CCDC144A: variants seen among roughly 807,000 people sequenced by gnomAD.
CCDC144A encodes coiled-coil domain containing 144A.
A neutral mutation model predicts 143.8 loss-of-function variants in CCDC144A; 41 were observed. That is an observed-to-expected ratio of 0.29 (90% confidence interval 0.22 to 0.37). The LOEUF (loss-of-function observed/expected upper bound fraction) is 0.37, where lower values mean the gene tolerates loss of function less well. Among genes scored for constraint, CCDC144A ranks in the 10% least tolerant of loss-of-function variants. The probability of loss-of-function intolerance (pLI) is 1.00; values close to 1 mark genes in which losing one functional copy is unlikely to be tolerated. For missense variants in CCDC144A, 637 were observed against 1,488.8 expected (o/e 0.43, Z 9.41); for synonymous variants, 242 against 517.9 (o/e 0.47, Z 7.23).
At position 16,743,772 on chromosome 17, in the gene CCDC144A, T is replaced by C. The variant is rs549522614; in HGVS notation, c.3372+8129T>C. Among the ~76,000 whole-genome samples the C allele has an allele frequency of 3.8e-3, 577 of 152,254 alleles. 4 individuals are homozygous for C. The highest frequency in any genetic ancestry group is 0.013 in the African/African-American group (549 of 41,556). ...CATAATGCTTAGGTTTAGGGTGCAGTTGAACCTATCACCCAGGTAATGAGC... is the reference window on the plus strand; with the variant it reads ...CATAATGCTTAGGTTTAGGGTGCAGCTGAACCTATCACCCAGGTAATGAGC... On this transcript the variant is annotated intron_variant, in intron 12 of 16. Coordinates refer to ENST00000399273, the MANE Select transcript of CCDC144A (RefSeq NM_001382000.1).
chr17:16,689,288 C>T (rs1223082760), upstream of CCDC144A, among the ~76,000 whole-genome samples: 1 of 152,030 alleles, frequency 6.6e-6, no homozygotes, highest in Non-Finnish European at 1.5e-5. Context: ...GTTCACCTCC[C>T]GGGTTCAAGA....
the CCDC144A span, among the ~76,000 whole-genome samples, chr17:16,676,454 T>C: frequency 6.9e-6 from 1 of 144,386 alleles, no homozygotes; most frequent in Admixed American, 7.2e-5. Flanking sequence ...GAGCTTGCAG[T>C]GGGCAGAGAT....
rs368911895 is a variant in CCDC144A at position 16,715,310 on chromosome 17, T to TA, written c.1715+3510dup. Among the ~76,000 whole-genome samples, 666 of 129,052 alleles carry TA rather than the reference T, an allele frequency of 5.2e-3. 2 individuals are homozygous for TA. The highest frequency in any genetic ancestry group is 0.027 in the South Asian group (113 of 4,110). The allele number at this position is 129,052 out of a possible 152,430, so 84.7% of individuals were successfully genotyped here. A position where few individuals can be genotyped will look rare whatever the true frequency, so the allele number is the denominator to read the frequency against. ...TTTAAACATTAGATTGATTCTCAGG[T>TA]AAAAAAAAAAAAAAAGAAAGAAAGA... On this transcript the variant is annotated intron_variant, in intron 6 of 16. Coordinates refer to ENST00000399273, the MANE Select transcript of CCDC144A (RefSeq NM_001382000.1).
rs1912217662 is a variant in CCDC144A, at chr17:16,708,959, G to C, written c.902G>C (p.Arg301Thr). The C allele has an allele frequency of 6.2e-7, 1 of 1,611,454 alleles. No individual in the cohort carries two copies. Among genetic ancestry groups the C allele is most frequent in the Non-Finnish European group, 8.5e-7 (1 of 1,179,620 alleles). The change falls in exon 5 of 17, where the codon AGG becomes ACG. Residue 301 changes from arginine (R) to threonine (T), a missense_variant. By Grantham distance (71) the Arg-to-Thr change is moderately conservative. Coordinates refer to ENST00000399273, the MANE Select transcript of CCDC144A (RefSeq NM_001382000.1). The stretch of plus-strand genomic sequence containing the variant: ...CTCGTCATAAATGAGTTAAAGCAGA[G>C]GTTTGGTGAAATTTATGAAAAATAC... The part of the protein sequence containing the change: ...LKLVINELKQ[R>T]FGEIYEKYKI...
chr17:16,667,162 TGG>T, the CCDC144A span: 2 of 161,292 alleles, frequency 1.2e-5, no homozygotes, highest in Non-Finnish European at 2.7e-5. Context: ...GAGGCTGCGC[TGG>T]ACCCCGCTGG....
Position 16,775,916 on chromosome 17 carries a change from T to C in CCDC144A, c.*2283T>C, listed in dbSNP as rs1267823988. 1 of 152,292 alleles carries C rather than the reference T, an allele frequency of 6.6e-6. No individual in the cohort carries two copies. Among genetic ancestry groups the C allele is most frequent in the African/African-American group, 2.4e-5 (1 of 41,466 alleles). 9.4% of individuals were successfully genotyped at this position (152,292 alleles called of 1,614,324 possible). On this transcript the variant is annotated 3_prime_UTR_variant, in exon 17 of 17. Transcript: ENST00000399273. ...AGGAAGGGGTCCCGTTTCAATTTGCTGCATATGGCTAGCCAGTTCTCCCAG... is the reference window on the plus strand; with the variant it reads ...AGGAAGGGGTCCCGTTTCAATTTGCCGCATATGGCTAGCCAGTTCTCCCAG...
At chr17:16,737,131 G>GT (rs200763258) in intron 12 of CCDC144A, among the ~76,000 whole-genome samples, 2,228 of 131,034 alleles carry the variant, frequency 0.017, 53 homozygotes, top group African/African-American at 0.06. Context: ...ATGTGTTGAT[G>GT]TTTTTCAAAG....
At chr17:16,773,374 G>T (rs1915896271) in intron 16 of CCDC144A, 123 bp from the exon 17 acceptor site, 28 of 1,319,032 alleles carry the variant, frequency 2.1e-5, no homozygotes, top group Non-Finnish European at 2.7e-5. Flanking sequence ...CTTAAGCCTG[G>T]GAGGACAAGA....
chr17:16,693,159 C>G lies in CCDC144A; in HGVS notation c.415+110C>G, dbSNP rs1911187857. 4.6e-5 allele frequency: 44 copies of G among 963,366 alleles called. No homozygotes were observed. In the South Asian group the frequency reaches 8.0e-4, roughly 17 times the overall value. 59.7% of individuals were successfully genotyped at this position (963,366 alleles called of 1,614,324 possible). On this transcript the variant is annotated intron_variant, in intron 2 of 16. Coordinates refer to ENST00000399273, the MANE Select transcript of CCDC144A (RefSeq NM_001382000.1). ...GAGCAGTTTTAAAAAATCTTTATTT[C>G]TTTCTTGATAGGTTAGATTTCTTGG... is the stretch of plus-strand genomic sequence containing the variant.
chr17:16,681,907 T>C, the CCDC144A span, among the ~76,000 whole-genome samples: 1 of 151,308 alleles, frequency 6.6e-6, no homozygotes. Context: ...TCTAAAAAAT[T>C]GCATACTGTG....
chr17:16,757,015 A>G (rs9896655), intron 12 of CCDC144A, among the ~76,000 whole-genome samples: 533 of 152,324 alleles, frequency 3.5e-3, no homozygotes, highest in African/African-American at 0.012. Context: ...TTGATGGCAT[A>G]CACAAGGATG....
intron 12 of CCDC144A, among the ~76,000 whole-genome samples, chr17:16,740,729 G>A (rs1042246973): frequency 6.6e-6 from 1 of 152,186 alleles, no homozygotes; most frequent in African/African-American, 2.4e-5. Context: ...TGGAAATGAA[G>A]ATTGAATCCT....
intron 5 of CCDC144A, 91 bp downstream of exon 5, chr17:16,709,726 TAC>T: frequency 6.8e-7 from 1 of 1,475,236 alleles, no homozygotes; most frequent in Non-Finnish European, 9.1e-7. Context: ...ATGAAAAGCA[TAC>T]AGTTTGGTTG....
intron 15 of CCDC144A, among the ~76,000 whole-genome samples, chr17:16,768,393 T>G (rs1470886477): frequency 6.6e-6 from 1 of 152,222 alleles, no homozygotes; most frequent in East Asian, 1.9e-4. Context: ...AGATTCTTGG[T>G]GGGCTTTTGT....
In CCDC144A at chr17:16,761,118, G is replaced by A. The variant is rs1266715564; in HGVS notation, c.3373-307G>A. On this transcript the variant is annotated intron_variant, in intron 12 of 16. Coordinates refer to ENST00000399273, the MANE Select transcript of CCDC144A (RefSeq NM_001382000.1). ...CGAGGCGAGTGGATCATGAGGTCAG[G>A]AGATCGAGACCATCCTGGCTAACAC... is the stretch of plus-strand genomic sequence containing the variant. 3.3e-5 allele frequency among the ~76,000 whole-genome samples: 5 copies of A among 151,372 alleles called. No homozygotes were observed. The South Asian group carries it at 1.0e-3, about 32-fold the overall frequency.
At chr17:16,716,976 G>A (rs910226879) in intron 6 of CCDC144A, among the ~76,000 whole-genome samples, 1 of 151,194 alleles carries the variant, frequency 6.6e-6, no homozygotes, top group African/African-American at 2.4e-5. Context: ...ACCGCACACG[G>A]CTAATTTTTT....
chr17:16,685,764 A>C (rs1255160674), upstream of CCDC144A, among the ~76,000 whole-genome samples: 4 of 151,048 alleles, frequency 2.6e-5, no homozygotes, highest in Non-Finnish European at 5.9e-5. Flanking sequence ...TCTGTTTTTT[A>C]TTTTTATTTT....
At chr17:16,669,387 G>A in the CCDC144A span, among the ~76,000 whole-genome samples, 1,214 of 152,212 alleles carry the variant, frequency 8.0e-3, 11 homozygotes, top group African/African-American at 0.027. Context: ...CAGTCCACCC[G>A]GAACACACAT....
chr17:16,682,132 C>T, the CCDC144A span, among the ~76,000 whole-genome samples: 170 of 151,714 alleles, frequency 1.1e-3, 1 homozygote, highest in African/African-American at 4.0e-3. Context: ...AATTTGAAAA[C>T]ACCATTTGGA....
Sources: gnomAD v4.1 joint callset for allele counts (sites outside exome capture counted in the v4.1 genomes callset) on GRCh38, gnomAD v4.1.1 for gene constraint, MANE v1.5 for transcripts, NCBI Gene and HGNC (gene_info 2026-07-23, HGNC 2026-07-21) for gene names.